CAMTA1: variants seen among roughly 807,000 people sequenced by gnomAD.
CAMTA1 encodes the protein calmodulin binding transcription activator 1.
CAMTA1 carries 27 observed loss-of-function variants against 170.9 expected under a neutral mutation model. The observed-to-expected ratio is 0.16, with a 90% confidence interval of 0.12 to 0.22. The LOEUF (loss-of-function observed/expected upper bound fraction) is 0.22. Ranked by LOEUF, CAMTA1 falls within the 10% of genes least tolerant of loss-of-function variation. The pLI is 1.00. For synonymous variants in CAMTA1, 833 were observed against 891.5 expected, an observed-to-expected ratio of 0.93 and a Z score of 1.17; for missense variants, 1,619 against 2,217.2, an observed-to-expected ratio of 0.73 and a Z score of 5.42.
chr1:6,916,122 G>A (rs948293992), intron 3 of CAMTA1, among the ~76,000 whole-genome samples: 2 of 152,078 alleles, frequency 1.3e-5, no homozygotes, highest in African/African-American at 4.8e-5. Flanking sequence ...GGGAGCCAGG[G>A]GCATGTGATG....
chr1:7,423,090 C>G (rs2091667757), intron 5 of CAMTA1, among the ~76,000 whole-genome samples: 1 of 152,214 alleles, frequency 6.6e-6, no homozygotes, highest in Non-Finnish European at 1.5e-5. Flanking sequence ...GATGGAGTCT[C>G]AGGGCAAAAG....
rs369751152 is a variant in CAMTA1 at position 6,855,464 on chromosome 1, AAGAG to A, written c.234+30265_234+30268del. ...TGTCTTACATCGCCAGAGCAGGAGCAAGAGAGAGAGAGAGGAGGGGAGGTGCTAC... is the reference window on the plus strand; with the variant it reads ...TGTCTTACATCGCCAGAGCAGGAGCAAGAGAGAGAGGAGGGGAGGTGCTAC... On this transcript the variant is annotated intron_variant, in intron 3 of 22. Transcript: ENST00000303635. 1.0e-4 allele frequency among the ~76,000 whole-genome samples: 15 copies of A among 150,546 alleles called. No homozygotes were observed. The East Asian group carries it at 2.8e-3, about 28-fold the overall frequency.
intron 6 of CAMTA1, among the ~76,000 whole-genome samples, chr1:7,502,278 C>T (rs2094018628): frequency 6.6e-6 from 1 of 152,192 alleles, no homozygotes; most frequent in South Asian, 2.1e-4. Context: ...TGCAGAGAAG[C>T]GGCTTTGGAG....
At chr1:7,365,911 C>T (rs1022114632) in intron 5 of CAMTA1, among the ~76,000 whole-genome samples, 1 of 152,320 alleles carries the variant, frequency 6.6e-6, no homozygotes, top group African/African-American at 2.4e-5. Flanking sequence ...GCTCCCTCCG[C>T]GCACAGGGTC....
chr1:7,193,205 A>G (rs1260427409), intron 4 of CAMTA1, among the ~76,000 whole-genome samples: 1 of 152,002 alleles, frequency 6.6e-6, no homozygotes, highest in Non-Finnish European at 1.5e-5. Context: ...TAAAAAAATT[A>G]GCAGGGTATG....
intron 6 of CAMTA1, among the ~76,000 whole-genome samples, chr1:7,629,900 C>T (rs1444560781): frequency 1.3e-5 from 2 of 152,120 alleles, no homozygotes; most frequent in Non-Finnish European, 2.9e-5. Flanking sequence ...CTCGAGCTGC[C>T]AGCCTCCGTT....
chr1:7,440,679 C>T (rs1575341630), intron 5 of CAMTA1, among the ~76,000 whole-genome samples: 1 of 152,274 alleles, frequency 6.6e-6, no homozygotes, highest in Non-Finnish European at 1.5e-5. Flanking sequence ...CTGGAAGCTG[C>T]GGTCTGGTCC....
At chr1:7,072,030 C>A (rs1169127501) in intron 3 of CAMTA1, among the ~76,000 whole-genome samples, 1 of 152,214 alleles carries the variant, frequency 6.6e-6, no homozygotes, top group Non-Finnish European at 1.5e-5. Context: ...GAATCAAGGG[C>A]AAATGCTTGT....
intron 3 of CAMTA1, among the ~76,000 whole-genome samples, chr1:6,967,606 G>A (rs2149561576): frequency 6.6e-6 from 1 of 152,304 alleles, no homozygotes; most frequent in Admixed American, 6.5e-5. Context: ...TAGGCTGGTG[G>A]CCACGTGTTC....
chr1:7,051,612 G>A (rs1055121759), intron 3 of CAMTA1, among the ~76,000 whole-genome samples: 3 of 151,926 alleles, frequency 2.0e-5, no homozygotes, highest in African/African-American at 7.2e-5. Flanking sequence ...GCACTTGGGG[G>A]CTCAGTTGCT....
At chr1:7,423,713 A>G (rs2091719402) in intron 5 of CAMTA1, among the ~76,000 whole-genome samples, 1 of 151,850 alleles carries the variant, frequency 6.6e-6, no homozygotes, top group African/African-American at 2.4e-5. Flanking sequence ...TCCCTTGCTT[A>G]CCTCCCAGGG....
At chr1:7,097,716 G>A (rs1172887643) in intron 4 of CAMTA1, among the ~76,000 whole-genome samples, 3 of 152,252 alleles carry the variant, frequency 2.0e-5, no homozygotes, top group Admixed American at 2.0e-4. Context: ...CCTGGATGAA[G>A]CTTGAAGACG....
rs17441236 is a variant in CAMTA1 at position 6,821,590 on chromosome 1, A to G, written c.115+1340A>G. Among the ~76,000 whole-genome samples the G allele has an allele frequency of 9.9e-3, 1,510 of 152,282 alleles. 9 individuals are homozygous for G. The highest frequency in any genetic ancestry group is 0.017 in the Non-Finnish European group (1,126 of 67,990). ...TGAACAGTTTGGTCTAGAGTTTGAA[A>G]GATTAATCGTAATCAACTTGAATGA... On this transcript the variant is annotated intron_variant, in intron 2 of 22. Transcript: ENST00000303635.
intron 3 of CAMTA1, among the ~76,000 whole-genome samples, chr1:6,964,842 A>T (rs956427717): frequency 5.9e-5 from 9 of 152,322 alleles, no homozygotes; most frequent in Admixed American, 2.6e-4. Context: ...GGAGATTTCT[A>T]TGGAGAGACG....
chr1:6,874,811 C>T (rs914329404), intron 3 of CAMTA1, among the ~76,000 whole-genome samples: 1 of 152,152 alleles, frequency 6.6e-6, no homozygotes, highest in Non-Finnish European at 1.5e-5. Context: ...CACCTTTTAC[C>T]TGCTTAGCCT....
chr1:7,704,847 CGGCTCGGCGCAA>C (rs2096490733), intron 11 of CAMTA1, among the ~76,000 whole-genome samples: 1 of 146,426 alleles, frequency 6.8e-6, no homozygotes, highest in Non-Finnish European at 1.5e-5. Context: ...CAGTGAGCGG[CGGCTCGGCGCAA>C]GCCTGACGAG....
At chr1:7,697,559 G>A (rs1434708219) in intron 11 of CAMTA1, among the ~76,000 whole-genome samples, 1 of 152,156 alleles carries the variant, frequency 6.6e-6, no homozygotes, top group Non-Finnish European at 1.5e-5. Context: ...CACTTTAATG[G>A]GGAGAATAGC....
intron 5 of CAMTA1, among the ~76,000 whole-genome samples, chr1:7,412,248 A>T (rs2090831305): frequency 6.6e-6 from 1 of 152,114 alleles, no homozygotes; most frequent in Non-Finnish European, 1.5e-5. Flanking sequence ...TAGCAGCATG[A>T]TTTATAGTCC....
chr1:7,021,682 C>A (rs1410754242), intron 3 of CAMTA1, among the ~76,000 whole-genome samples: 1 of 152,176 alleles, frequency 6.6e-6, no homozygotes, highest in East Asian at 1.9e-4. Flanking sequence ...GTGTTGCACA[C>A]CTCAAATATG....
Sources: gnomAD v4.1 joint callset for allele counts (sites outside exome capture counted in the v4.1 genomes callset) on GRCh38, gnomAD v4.1.1 for gene constraint, MANE v1.5 for transcripts, NCBI Gene and HGNC (gene_info 2026-07-23, HGNC 2026-07-21) for gene names.